MCF2L2: variants seen among roughly 807,000 people sequenced by gnomAD.
MCF2L2 encodes the protein probable guanine nucleotide exchange factor MCF2L2.
MCF2L2 carries 102 observed loss-of-function variants against 150.2 expected under a neutral mutation model. That is an observed-to-expected ratio of 0.68 (90% CI 0.58 to 0.80). The LOEUF (loss-of-function observed/expected upper bound fraction) is 0.80, where lower values mean the gene tolerates loss of function less well. MCF2L2 is among the 30% of genes least tolerant of loss of function. The pLI is 0.00. For synonymous variants in MCF2L2, 465 were observed against 491.3 expected (o/e 0.95, Z 0.71); for missense variants, 1,256 against 1,372.8 (o/e 0.91, Z 1.34).
chr3:183,353,113 G>A (rs937864280), intron 3 of MCF2L2, among the ~76,000 whole-genome samples: 7 of 152,030 alleles, frequency 4.6e-5, no homozygotes, highest in African/African-American at 1.2e-4. Context: ...GTTGGCTTTC[G>A]CAAATGTTTA....
rs956774696 is a variant in MCF2L2, at chr3:183,197,986, T to C, written c.2885-2731A>G. ...GAACTCTCATACATTACTATGGGAA[T>C]GGAAGATACTATAATCACTTTGGAA... On this transcript the variant is annotated intron_variant, in intron 25 of 29. Transcript: ENST00000328913. This position sits in a 1 kb window ranked among gnomAD's most constrained non-coding sequence, Gnocchi z 4.5. Among the ~76,000 whole-genome samples the C allele has an allele frequency of 4.6e-5, 7 of 152,208 alleles. 1 individual carries two copies. In the South Asian group the frequency reaches 1.5e-3, roughly 32 times the overall value.
chr3:183,223,325 G>A (rs759538803), intron 20 of MCF2L2, 21 bp downstream of exon 20: 1 of 1,578,514 alleles, frequency 6.3e-7, no homozygotes, highest in Non-Finnish European at 8.7e-7. Context: ...CCAAGGAAAA[G>A]CACTGTCTCA....
At chr3:183,354,795 CG>C (rs991746379) in intron 3 of MCF2L2, among the ~76,000 whole-genome samples, 68 of 152,278 alleles carry the variant, frequency 4.5e-4, no homozygotes, top group African/African-American at 1.6e-3. Context: ...GTCATGGCGT[CG>C]TGGTCCTTAC....
intron 13 of MCF2L2, among the ~76,000 whole-genome samples, chr3:183,294,408 A>G (rs942682351): frequency 1.3e-5 from 2 of 151,680 alleles, no homozygotes; most frequent in African/African-American, 4.8e-5. Context: ...CTGGAGGGCA[A>G]TGGCGCAATC....
At chr3:183,242,965 C>A (rs1032957624) in intron 15 of MCF2L2, among the ~76,000 whole-genome samples, 1 of 152,234 alleles carries the variant, frequency 6.6e-6, no homozygotes, top group Non-Finnish European at 1.5e-5. Flanking sequence ...TATTTTGGAA[C>A]TTTAAGGTTT....
intron 15 of MCF2L2, among the ~76,000 whole-genome samples, chr3:183,250,446 G>C (rs781596863): frequency 1.3e-5 from 2 of 152,110 alleles, no homozygotes; most frequent in Non-Finnish European, 2.9e-5. Context: ...AATTAGCCAG[G>C]TGTGGTGGTG....
intron 5 of MCF2L2, among the ~76,000 whole-genome samples, chr3:183,325,781 C>A (rs1242202436): frequency 6.6e-6 from 1 of 152,072 alleles, no homozygotes; most frequent in African/African-American, 2.4e-5. Context: ...CCACACTTGC[C>A]AAAACTCTGC....
At chr3:183,185,154 G>A (rs113237155) in intron 27 of MCF2L2, among the ~76,000 whole-genome samples, 2,052 of 152,324 alleles carry the variant, frequency 0.013, 48 homozygotes, top group African/African-American at 0.047. Flanking sequence ...TCCTGACCAC[G>A]TGATCCGCCC....
At chr3:183,292,556 T>TACACACACACACACACACACACACAC (rs58788215) in intron 13 of MCF2L2, among the ~76,000 whole-genome samples, 1 of 145,474 alleles carries the variant, frequency 6.9e-6, no homozygotes, top group African/African-American at 2.5e-5. Flanking sequence ...AGGGGGTATG[T>TACACACACACACACACACACACACAC]ACACACACAC....
chr3:183,187,272 G>A (rs994361806), intron 27 of MCF2L2, among the ~76,000 whole-genome samples: 1 of 152,168 alleles, frequency 6.6e-6, no homozygotes, highest in Non-Finnish European at 1.5e-5. Context: ...GGTACCCGAC[G>A]AGGGACCTGT....
chr3:183,230,525 A>G (rs1723510690), intron 16 of MCF2L2, among the ~76,000 whole-genome samples: 2 of 152,196 alleles, frequency 1.3e-5, no homozygotes, highest in African/African-American at 4.8e-5. Context: ...TTATGGTAAA[A>G]ATGTGATTAT....
chr3:183,288,465 G>A (rs1361931583), intron 14 of MCF2L2, among the ~76,000 whole-genome samples: 1 of 150,710 alleles, frequency 6.6e-6, no homozygotes, highest in Non-Finnish European at 1.5e-5. Flanking sequence ...GCAGCTCTGT[G>A]CAATTTTGTC....
intron 27 of MCF2L2, among the ~76,000 whole-genome samples, chr3:183,184,755 C>G (rs963919289): frequency 1.3e-5 from 2 of 152,166 alleles, no homozygotes; most frequent in Non-Finnish European, 2.9e-5. Flanking sequence ...ACTTTGAAGA[C>G]AAAATCATGG....
chr3:183,197,255 T>G lies in MCF2L2; in HGVS notation c.2885-2000A>C, dbSNP rs1445520369. On this transcript the variant is annotated intron_variant, in intron 25 of 29. Coordinates refer to ENST00000328913, the MANE Select transcript of MCF2L2 (RefSeq NM_015078.4). The surrounding 1 kb of genome is among the most constrained non-coding windows in gnomAD (Gnocchi z 4.5). ...TAGAAAGCAGCAGTAACCAAGATAG[T>G]GAGGGACTGATGTCAAGGTAGACAA... Among the ~76,000 whole-genome samples the G allele has an allele frequency of 6.6e-6, 1 of 152,122 alleles. No homozygotes were observed. The highest frequency in any genetic ancestry group is 2.4e-5 in the African/African-American group (1 of 41,418).
intron 10 of MCF2L2, among the ~76,000 whole-genome samples, chr3:183,302,696 C>T (rs757575230): frequency 2.0e-5 from 3 of 152,030 alleles, no homozygotes; most frequent in Admixed American, 6.6e-5. Flanking sequence ...GCTCCTGACT[C>T]GACCCTTCTC....
intron 15 of MCF2L2, among the ~76,000 whole-genome samples, chr3:183,239,121 A>G (rs1303892788): frequency 6.6e-6 from 1 of 152,136 alleles, no homozygotes; most frequent in Non-Finnish European, 1.5e-5. Context: ...ACCTTTCAGC[A>G]CCAACAGCAA....
At chr3:183,358,789 A>AC (rs1238825764) in intron 3 of MCF2L2, among the ~76,000 whole-genome samples, 1 of 149,488 alleles carries the variant, frequency 6.7e-6, no homozygotes, top group Non-Finnish European at 1.5e-5. Flanking sequence ...TCCAGTTAAT[A>AC]TTTTTTTTTT....
chr3:183,418,971 C>G (rs990040457), intron 1 of MCF2L2, among the ~76,000 whole-genome samples: 1 of 152,258 alleles, frequency 6.6e-6, no homozygotes, highest in East Asian at 1.9e-4. Context: ...CCACACTGCC[C>G]TAGCAGAGAT....
chr3:183,272,178 T>C, intron 15 of MCF2L2: 1 of 1,000,284 alleles, frequency 1.0e-6, no homozygotes, highest in Non-Finnish European at 1.2e-6. Context: ...ATCAAAGAGA[T>C]GTGTCTGAGA....
Sources: gnomAD v4.1 joint callset for allele counts (sites outside exome capture counted in the v4.1 genomes callset) on GRCh38, gnomAD v4.1.1 for gene constraint, Gnocchi (gnomAD v3.1) non-coding constraint, MANE v1.5 for transcripts, NCBI Gene and HGNC (gene_info 2026-07-23, HGNC 2026-07-21) for gene names.